The following STK17A variants were observed in gnomAD, a reference collection of about 807,000 sequenced individuals.
STK17A encodes the protein serine/threonine-protein kinase 17A.
STK17A carries 26 observed loss-of-function variants against 43.7 expected under a neutral mutation model. The observed-to-expected ratio is 0.60, with a 90% CI of 0.44 to 0.83. The LOEUF (loss-of-function observed/expected upper bound fraction) is 0.83, where lower values mean the gene tolerates loss of function less well. Ranked by LOEUF, STK17A falls within the 40% of genes least tolerant of loss-of-function variation. The probability of loss-of-function intolerance (pLI) is 0.00; values close to 1 mark genes in which losing one functional copy is unlikely to be tolerated. For synonymous variants in STK17A, 191 were observed against 182.5 expected (o/e 1.05, Z -0.38); for missense variants, 476 against 511.6 (o/e 0.93, Z 0.67).
intron 4 of STK17A, among the ~76,000 whole-genome samples, chr7:43,620,148 G>A (rs1583743053): frequency 1.3e-5 from 2 of 152,170 alleles, no homozygotes; most frequent in African/African-American, 4.8e-5. Flanking sequence ...TGGATCCATG[G>A]TTGAGTGCTT....
At chr7:43,596,190 A>T in intron 2 of STK17A, 77 bp downstream of exon 2, 1 of 1,348,886 alleles carries the variant, frequency 7.4e-7, no homozygotes, top group Non-Finnish European at 1.0e-6. Flanking sequence ...ATCTGTGATA[A>T]TGTTGCCAGG....
Position 43,603,537 on chromosome 7 carries a change from G to A in STK17A, c.420-4719G>A, listed in dbSNP as rs948271762. On this transcript the variant is annotated intron_variant, in intron 2 of 6. Transcript: ENST00000319357. ...ATGGAGGTTGAACATTCTTAACCTG[G>A]AAATGAAATGTCCCAAAGTTTGAAA... is the stretch of plus-strand genomic sequence containing the variant. Among the ~76,000 whole-genome samples the A allele has an allele frequency of 2.0e-5, 3 of 152,180 alleles. No individual in the cohort carries two copies. The South Asian group carries it at 6.2e-4, about 31-fold the overall frequency.
chr7:43,589,695 G>A lies in STK17A; in HGVS notation c.207-6206G>A, dbSNP rs952738154. ...CTTTCCTTTCTCCTCTCATCTCTGC[G>A]TACAACTCACACCTGCCAGGGAGTG... On this transcript the variant is annotated intron_variant, in intron 1 of 6. Transcript: ENST00000319357. Among the ~76,000 whole-genome samples the A allele has an allele frequency of 9.3e-5, 14 of 151,194 alleles. 1 individual carries two copies. The highest frequency in any genetic ancestry group is 1.9e-4 in the East Asian group (1 of 5,166).
intron 1 of STK17A, among the ~76,000 whole-genome samples, chr7:43,594,666 T>C (rs1174914470): frequency 6.6e-6 from 1 of 152,190 alleles, no homozygotes; most frequent in Non-Finnish European, 1.5e-5. Context: ...ATTGAGCACT[T>C]ACTGTGTGGC....
At chr7:43,593,039 T>C (rs1471497298) in intron 1 of STK17A, among the ~76,000 whole-genome samples, 1 of 152,244 alleles carries the variant, frequency 6.6e-6, no homozygotes, top group Admixed American at 6.5e-5. Context: ...ATAGCGTACA[T>C]TGTACCCAAT....
At chr7:43,615,866 T>C (rs1460452626) in intron 3 of STK17A, among the ~76,000 whole-genome samples, 3 of 152,176 alleles carry the variant, frequency 2.0e-5, no homozygotes, top group South Asian at 2.1e-4. Context: ...TTTTTAACAT[T>C]GTCCTCTCCT....
At chr7:43,583,549 C>A in intron 1 of STK17A, 100 bp downstream of exon 1, 1 of 1,028,724 alleles carries the variant, frequency 9.7e-7, no homozygotes, top group Non-Finnish European at 1.2e-6. Context: ...GCTGAAGTGG[C>A]GTTGCTGCTG....
intron 2 of STK17A, among the ~76,000 whole-genome samples, chr7:43,604,056 C>T (rs564626266): frequency 1.3e-5 from 2 of 152,254 alleles, no homozygotes; most frequent in South Asian, 4.1e-4. Flanking sequence ...GGAGTTCTTA[C>T]TAGTTGTTGT....
chr7:43,584,883 A>AGT, intron 1 of STK17A, among the ~76,000 whole-genome samples: 1 of 152,334 alleles, frequency 6.6e-6, no homozygotes, highest in Non-Finnish European at 1.5e-5. Context: ...AACATTCTGA[A>AGT]GTAACCCCTA....
At chr7:43,585,155 C>A (rs372105140) in intron 1 of STK17A, among the ~76,000 whole-genome samples, 2 of 152,098 alleles carry the variant, frequency 1.3e-5, no homozygotes, top group East Asian at 1.9e-4. Context: ...CAAGATCGCG[C>A]CGTTGCACTC....
intron 2 of STK17A, among the ~76,000 whole-genome samples, chr7:43,596,712 C>T (rs13438571): frequency 0.095 from 14,412 of 151,658 alleles, 750 homozygotes; most frequent in Admixed American, 0.17. Context: ...ACTACAAATA[C>T]AAAAAATTAG....
chr7:43,583,533 G>A, intron 1 of STK17A, 84 bp downstream of exon 1: 2 of 1,143,876 alleles, frequency 1.7e-6, no homozygotes, highest in Non-Finnish European at 2.2e-6. Context: ...GCGCCGCGGC[G>A]GCGAGGCTGA....
chr7:43,592,687 T>TAAAA (rs34551277), intron 1 of STK17A, among the ~76,000 whole-genome samples: 1 of 109,500 alleles, frequency 9.1e-6, no homozygotes, highest in Non-Finnish European at 1.9e-5. Flanking sequence ...CCATCTGTAC[T>TAAAA]AAAAAAAAAA....
chr7:43,606,928 T>TTTTTTTTTTTTTTTTTTTTC, intron 2 of STK17A, among the ~76,000 whole-genome samples: 1 of 144,874 alleles, frequency 6.9e-6, no homozygotes, highest in African/African-American at 2.5e-5. Flanking sequence ...TTTTTTTTTT[T>TTTTTTTTTTTTTTTTTTTTC]TTTTTTTTTT....
At chr7:43,620,518 A>G (rs549983161) in intron 4 of STK17A, among the ~76,000 whole-genome samples, 48 of 152,284 alleles carry the variant, frequency 3.2e-4, no homozygotes, top group African/African-American at 1.1e-3. Context: ...TACTAAAAAT[A>G]CAAAAATTAG....
rs967199011 is a variant in STK17A, at chr7:43,626,484, G to A, written c.*1642G>A. ...ATTGGCTTTATTTATACAGTTTCCT[G>A]GAACCTAGCATTCCTAAACAAGCTC... On this transcript the variant is annotated 3_prime_UTR_variant, in exon 7 of 7. Coordinates refer to ENST00000319357, the MANE Select transcript of STK17A (RefSeq NM_004760.3). 3 of 152,158 alleles carry A rather than the reference G, an allele frequency of 2.0e-5. No homozygotes were observed. The highest frequency in any genetic ancestry group is 7.2e-5 in the African/African-American group (3 of 41,428). 9.4% of individuals were successfully genotyped at this position (152,158 alleles called of 1,614,324 possible).
intron 3 of STK17A, 94 bp from the exon 4 acceptor site, chr7:43,619,503 T>C (rs963101821): frequency 5.5e-6 from 8 of 1,451,344 alleles, no homozygotes; most frequent in Non-Finnish European, 7.5e-6. Context: ...TTCCTCAGTC[T>C]CAGTTTCATA....
chr7:43,597,599 C>T (rs905666355), intron 2 of STK17A, among the ~76,000 whole-genome samples: 1 of 152,114 alleles, frequency 6.6e-6, no homozygotes, highest in African/African-American at 2.4e-5. Flanking sequence ...GTTGGTGAGG[C>T]TGCTCAAACT....
chr7:43,583,142 T>G lies in STK17A; in HGVS notation c.-102T>G. The G allele has an allele frequency of 7.7e-7, 1 of 1,296,442 alleles. No individual in the cohort carries two copies. Among genetic ancestry groups the G allele is most frequent in the Non-Finnish European group, 1.1e-6 (1 of 949,320 alleles). The allele number at this position is 1,296,442 out of a possible 1,614,324, so 80.3% of individuals were successfully genotyped here. ...GCGCCGCGCTGGGGAGAGCGGGTGT[T>G]TGAAGGCTCCGCGGACCGGCACTAG... On this transcript the variant is annotated 5_prime_UTR_variant, in exon 1 of 7. Coordinates refer to ENST00000319357, the MANE Select transcript of STK17A (RefSeq NM_004760.3).
Sources: allele counts gnomAD v4.1 joint callset (sites outside exome capture counted in the v4.1 genomes callset), GRCh38; gene constraint gnomAD v4.1.1; transcripts MANE v1.5; gene names NCBI Gene and HGNC (gene_info 2026-07-23, HGNC 2026-07-21).